FBRSL1: variants seen among roughly 807,000 people sequenced by gnomAD.
FBRSL1 encodes fibrosin like 1.
In FBRSL1, 51 loss-of-function variants were observed where a neutral mutation model predicts 89.6. The ratio of observed to expected loss-of-function variants is 0.57; its 90% CI spans 0.45 to 0.72. The LOEUF is 0.72. FBRSL1 is among the 30% of genes least tolerant of loss of function. FBRSL1 has a pLI of 0.00. For missense variants in FBRSL1, 1,618 were observed against 1,451.8 expected (o/e 1.11, Z -1.86); for synonymous variants, 779 against 681.1 (o/e 1.14, Z -2.24).
chr12:132,545,391 C>G lies in FBRSL1; in HGVS notation c.616-2612C>G, dbSNP rs528179616. ...CAATGCCGACTCCACTGCAGTTAAA[C>G]ATTAATTCAGTAGGACTTAATAACA... On this transcript the variant is annotated intron_variant, in intron 4 of 18. Transcript: ENST00000680143. Among the ~76,000 whole-genome samples, 131 of 152,380 alleles carry G rather than the reference C, an allele frequency of 8.6e-4. No individual in the cohort carries two copies. The South Asian group carries it at 0.027, about 31-fold the overall frequency.
At chr12:132,500,270 A>G (rs2032754955) in intron 1 of FBRSL1, among the ~76,000 whole-genome samples, 2 of 152,256 alleles carry the variant, frequency 1.3e-5, no homozygotes, top group African/African-American at 4.8e-5. Flanking sequence ...GGAGCAGAGC[A>G]GCCGAGTGTG....
rs1398763046 is a variant in FBRSL1, at chr12:132,546,120, C to T, written c.616-1883C>T. ...TTCCTCCCCTCCCCTGCGCTCCCCG[C>T]AGGAGCTTGTGGCTTTCCCCTGCCC... On this transcript the variant is annotated intron_variant, in intron 4 of 18. Transcript: ENST00000680143. The surrounding 1 kb of genome is among the most constrained non-coding windows in gnomAD (Gnocchi z 4.0). 6.6e-6 allele frequency among the ~76,000 whole-genome samples: 1 copy of T among 152,262 alleles called. No individual in the cohort carries two copies. Among genetic ancestry groups the T allele is most frequent in the Non-Finnish European group, 1.5e-5 (1 of 68,048 alleles).
chr12:132,578,205 C>A (rs775605410), intron 15 of FBRSL1, among the ~76,000 whole-genome samples: 4 of 152,160 alleles, frequency 2.6e-5, no homozygotes, highest in Non-Finnish European at 5.9e-5. Flanking sequence ...CATGACCAGG[C>A]GTGGTGGCGC....
chr12:132,500,439 C>T (rs1323497128), intron 1 of FBRSL1, among the ~76,000 whole-genome samples: 1 of 152,152 alleles, frequency 6.6e-6, no homozygotes, highest in East Asian at 1.9e-4. Flanking sequence ...TGGGGCTGCC[C>T]CTCTCTGGCC....
intron 15 of FBRSL1, chr12:132,580,727 G>T: frequency 7.2e-6 from 7 of 974,398 alleles, no homozygotes; most frequent in Non-Finnish European, 8.5e-6. Flanking sequence ...CCATCTTTGA[G>T]GTCCCTAAGA....
intron 5 of FBRSL1, among the ~76,000 whole-genome samples, chr12:132,558,804 G>A (rs2038881061): frequency 6.6e-6 from 1 of 152,238 alleles, no homozygotes; most frequent in Non-Finnish European, 1.5e-5. Flanking sequence ...CCCAGAAATA[G>A]AAACGTGGCC....
chr12:132,556,182 C>T (rs1284161714), intron 5 of FBRSL1, among the ~76,000 whole-genome samples: 1 of 152,186 alleles, frequency 6.6e-6, no homozygotes, highest in Non-Finnish European at 1.5e-5. Flanking sequence ...TGCTTTTCTC[C>T]CGACATTCCG....
chr12:132,545,863 G>A (rs1377753903), intron 4 of FBRSL1, among the ~76,000 whole-genome samples: 1 of 152,242 alleles, frequency 6.6e-6, no homozygotes, highest in Non-Finnish European at 1.5e-5. Flanking sequence ...CGCAAATTCA[G>A]CAGGGAGAGG....
intron 14 of FBRSL1, among the ~76,000 whole-genome samples, chr12:132,575,285 T>G (rs1048423694): frequency 4.6e-5 from 7 of 152,210 alleles, no homozygotes. Flanking sequence ...TGGAGTGCAG[T>G]GGCGCGATCT....
Position 132,499,303 on chromosome 12 carries a change from G to A in FBRSL1, c.291+8442G>A, listed in dbSNP as rs1386107467. Among the ~76,000 whole-genome samples the A allele has an allele frequency of 7.5e-6, 1 of 132,922 alleles. No individual in the cohort carries two copies. The highest frequency in any genetic ancestry group is 1.7e-5 in the Non-Finnish European group (1 of 57,682). 87.2% of individuals were successfully genotyped at this position (132,922 alleles called of 152,430 possible). A position where few individuals can be genotyped will look rare whatever the true frequency, so the allele number is the denominator to read the frequency against. On this transcript the variant is annotated intron_variant, in intron 1 of 18. Coordinates refer to ENST00000680143, the MANE Select transcript of FBRSL1 (RefSeq NM_001367871.1). This position sits in a 1 kb window ranked among gnomAD's most constrained non-coding sequence, Gnocchi z 4.3. The stretch of plus-strand genomic sequence containing the variant: ...GCCGCTGGCCAGCAGGGAAGGGCCA[G>A]CCAGGCAGGGGTGGTGCTGGGCAGC...
intron 5 of FBRSL1, among the ~76,000 whole-genome samples, chr12:132,549,569 G>T (rs911989630): frequency 6.6e-6 from 1 of 152,222 alleles, no homozygotes; most frequent in African/African-American, 2.4e-5. Context: ...CACAACCAAG[G>T]GTTGCTCTGA....
At chr12:132,510,265 G>A (rs1049626624) in intron 2 of FBRSL1, 63 of 1,230,174 alleles carry the variant, frequency 5.1e-5, no homozygotes, top group South Asian at 1.6e-4. Flanking sequence ...CCACCCTGCC[G>A]GCCTCTCCTG....
chr12:132,560,170 G>T (rs1180644282), intron 5 of FBRSL1: 6 of 151,736 alleles, frequency 4.0e-5, no homozygotes, highest in African/African-American at 1.5e-4. Flanking sequence ...CTCCACGCCC[G>T]CGTCCATGCA....
At chr12:132,562,185 G>A (rs1358944996) in intron 5 of FBRSL1, among the ~76,000 whole-genome samples, 1 of 152,166 alleles carries the variant, frequency 6.6e-6, no homozygotes, top group Non-Finnish European at 1.5e-5. Context: ...GACCCCATGG[G>A]AGCCACACTT....
chr12:132,535,730 G>A (rs765624496), intron 4 of FBRSL1, among the ~76,000 whole-genome samples: 11 of 152,384 alleles, frequency 7.2e-5, no homozygotes, highest in South Asian at 4.1e-4. Flanking sequence ...CAGGGCCAGC[G>A]GTTAGGAGTC....
chr12:132,581,455 C>T lies in FBRSL1; in HGVS notation c.1851C>T (p.Ala617=), dbSNP rs1044125806. 6.4e-6 allele frequency: 10 copies of T among 1,551,098 alleles called. No individual in the cohort carries two copies. The highest frequency in any genetic ancestry group is 8.7e-6 in the Non-Finnish European group (10 of 1,146,942). The change falls in exon 16 of 19, where the codon GCC becomes GCT. Residue 617 remains alanine (A), a synonymous_variant. Transcript: ENST00000680143. ...LFPSTGAAHP[A]SNPFGPSAHP... is the part of the protein sequence containing the mutation. ...CCCCCCCAGGTGCCGCCCATCCTGC[C>T]TCCAACCCATTTGGACCCTCAGCCC... is the stretch of plus-strand genomic sequence containing the variant.
At chr12:132,491,203 A>T (rs1313079412) in intron 1 of FBRSL1, among the ~76,000 whole-genome samples, 1 of 152,176 alleles carries the variant, frequency 6.6e-6, no homozygotes, top group Non-Finnish European at 1.5e-5. Context: ...CTGGTTCAGG[A>T]CGTGCTAGGG....
rs888299995 is a variant in FBRSL1 at position 132,574,190 on chromosome 12, G to A, written c.1599+32G>A. The A allele has an allele frequency of 2.2e-4, 311 of 1,427,610 alleles. No homozygotes were observed. Among genetic ancestry groups the A allele is most frequent in the Admixed American group, 7.5e-4 (25 of 33,436 alleles). The allele number at this position is 1,427,610 out of a possible 1,614,324, so 88.4% of individuals were successfully genotyped here. A position where few individuals can be genotyped will look rare whatever the true frequency, so the allele number is the denominator to read the frequency against. On this transcript the variant is annotated intron_variant, in intron 12 of 18. Coordinates refer to ENST00000680143, the MANE Select transcript of FBRSL1 (RefSeq NM_001367871.1). ...GTTAGTGGGCGCCCGTCCCCACCCC[G>A]GGGGATGGCCTGCCCCGGCCGGGCC... is the stretch of plus-strand genomic sequence containing the variant.
At chr12:132,581,999 C>A in intron 17 of FBRSL1, 63 bp from the exon 18 acceptor site, 1 of 1,420,418 alleles carries the variant, frequency 7.0e-7, no homozygotes, top group Non-Finnish European at 9.6e-7. Context: ...CTACCGGGTT[C>A]TCCTGGGGAG....
Sources: allele counts gnomAD v4.1 joint callset (sites outside exome capture counted in the v4.1 genomes callset), GRCh38; gene constraint gnomAD v4.1.1; non-coding constraint Gnocchi (gnomAD v3.1); transcripts MANE v1.5; gene names NCBI Gene and HGNC (gene_info 2026-07-23, HGNC 2026-07-21).